EFNA5: variants seen among roughly 807,000 people sequenced by gnomAD.
The protein encoded by EFNA5 is ephrin A5.
In EFNA5, 5 loss-of-function variants were observed where a neutral mutation model predicts 22.9. The ratio of observed to expected loss-of-function variants is 0.22; its 90% CI spans 0.11 to 0.46. The LOEUF (loss-of-function observed/expected upper bound fraction) is 0.46. EFNA5 is among the 20% of genes least tolerant of loss of function. EFNA5 has a pLI of 0.99. For missense variants in EFNA5, 237 were observed against 293.3 expected, an observed-to-expected ratio of 0.81 and a Z score of 1.40; for synonymous variants, 113 against 112.2, an observed-to-expected ratio of 1.01 and a Z score of -0.04.
At chr5:107,411,802 G>C (rs541243716) in intron 2 of EFNA5, among the ~76,000 whole-genome samples, 1 of 152,280 alleles carries the variant, frequency 6.6e-6, no homozygotes, top group East Asian at 1.9e-4. Flanking sequence ...CCCAGGCTGG[G>C]CTCGAGCGAC....
At chr5:107,651,321 A>C (rs1750725133) in intron 1 of EFNA5, among the ~76,000 whole-genome samples, 1 of 152,220 alleles carries the variant, frequency 6.6e-6, no homozygotes, top group Admixed American at 6.5e-5. Flanking sequence ...GACTGTGCTC[A>C]GACACAGTAA....
At chr5:107,401,802 T>C (rs1016704643) in intron 2 of EFNA5, among the ~76,000 whole-genome samples, 2 of 152,178 alleles carry the variant, frequency 1.3e-5, no homozygotes, top group Admixed American at 1.3e-4. Context: ...GATGCTTTCA[T>C]TCGGGTGAAA....
intron 1 of EFNA5, among the ~76,000 whole-genome samples, chr5:107,515,362 T>TTTATTATTATTATTATTATTA (rs70996961): frequency 7.1e-6 from 1 of 141,320 alleles, no homozygotes; most frequent in African/African-American, 2.6e-5. Context: ...TATTTTTTAT[T>TTTATTATTATTATTATTATTA]TTATTATTAT....
chr5:107,462,939 A>G (rs1749869543), intron 1 of EFNA5, among the ~76,000 whole-genome samples: 1 of 152,184 alleles, frequency 6.6e-6, no homozygotes, highest in Non-Finnish European at 1.5e-5. Flanking sequence ...AAGAAAACAC[A>G]GCTTGCTAGT....
At chr5:107,541,516 G>T (rs1408375102) in intron 1 of EFNA5, among the ~76,000 whole-genome samples, 1 of 152,128 alleles carries the variant, frequency 6.6e-6, no homozygotes, top group Non-Finnish European at 1.5e-5. Context: ...AATTAGATTA[G>T]CACTGATATA....
At chr5:107,414,959 T>C (rs1748465066) in intron 2 of EFNA5, among the ~76,000 whole-genome samples, 1 of 152,210 alleles carries the variant, frequency 6.6e-6, no homozygotes, top group South Asian at 2.1e-4. Context: ...GTACTATTTA[T>C]AGAATAAGCT....
At chr5:107,585,808 G>C (rs1352011396) in intron 1 of EFNA5, among the ~76,000 whole-genome samples, 1 of 152,220 alleles carries the variant, frequency 6.6e-6, no homozygotes, top group Non-Finnish European at 1.5e-5. Context: ...TTTCAGAACT[G>C]TGGTTAGAAG....
chr5:107,619,349 T>C lies in EFNA5; in HGVS notation c.125+51140A>G, dbSNP rs532739565. Among the ~76,000 whole-genome samples the C allele has an allele frequency of 5.3e-5, 8 of 152,286 alleles. No individual in the cohort carries two copies. In the South Asian group the frequency reaches 1.7e-3, roughly 32 times the overall value. ...GCATACCTCCACTTGACCTTGCATGTCATCCATGCAAGCCTTGCCAAATAA... is the reference window on the plus strand; with the variant it reads ...GCATACCTCCACTTGACCTTGCATGCCATCCATGCAAGCCTTGCCAAATAA... On this transcript the variant is annotated intron_variant, in intron 1 of 4. Coordinates refer to ENST00000333274, the MANE Select transcript of EFNA5 (RefSeq NM_001962.3).
intron 1 of EFNA5, among the ~76,000 whole-genome samples, chr5:107,525,744 G>A (rs1747682960): frequency 6.6e-6 from 1 of 152,088 alleles, no homozygotes; most frequent in South Asian, 2.1e-4. Context: ...TGGTCTTGAT[G>A]TGGCAGGGAT....
intron 1 of EFNA5, among the ~76,000 whole-genome samples, chr5:107,540,789 T>C (rs573594225): frequency 4.1e-4 from 62 of 152,358 alleles, no homozygotes; most frequent in African/African-American, 1.4e-3. Flanking sequence ...CATTAGAATA[T>C]GAATAAACAT....
chr5:107,441,632 T>C (rs1749259410), intron 1 of EFNA5, among the ~76,000 whole-genome samples: 1 of 152,210 alleles, frequency 6.6e-6, no homozygotes, highest in Non-Finnish European at 1.5e-5. Context: ...TTAGTTTAAA[T>C]ATGAATTTCT....
chr5:107,518,314 C>T (rs187576872), intron 1 of EFNA5, among the ~76,000 whole-genome samples: 1 of 151,476 alleles, frequency 6.6e-6, no homozygotes, highest in African/African-American at 2.4e-5. Context: ...TTGCAGACAT[C>T]GGTCCCTTGT....
intron 1 of EFNA5, among the ~76,000 whole-genome samples, chr5:107,561,315 T>C (rs1452762938): frequency 2.6e-5 from 4 of 152,220 alleles, no homozygotes; most frequent in South Asian, 2.1e-4. Flanking sequence ...CTGGTACCAC[T>C]TGTGTTAAGA....
chr5:107,562,409 T>A (rs947032241), intron 1 of EFNA5, among the ~76,000 whole-genome samples: 2 of 152,112 alleles, frequency 1.3e-5, no homozygotes, highest in African/African-American at 4.8e-5. Context: ...AAGCTTATAT[T>A]TTTTCTAAAT....
chr5:107,407,831 G>A (rs771643326), intron 2 of EFNA5, among the ~76,000 whole-genome samples: 99 of 152,186 alleles, frequency 6.5e-4, no homozygotes, highest in African/African-American at 1.5e-3. Context: ...AAAGGTTATG[G>A]CTACTGCATC....
In EFNA5 at chr5:107,449,978, G is replaced by C. The variant is rs77912362; in HGVS notation, c.126-22469C>G. Among the ~76,000 whole-genome samples the C allele has an allele frequency of 5.3e-3, 801 of 152,304 alleles. 7 individuals carry two copies. The highest frequency in any genetic ancestry group is 0.018 in the African/African-American group (735 of 41,570). On this transcript the variant is annotated intron_variant, in intron 1 of 4. Transcript: ENST00000333274. ...TTTCCCTTTTGGTTCTGATGAAGGA[G>C]ATGCTGACATAAATGTTTTTGTTGT... is the stretch of plus-strand genomic sequence containing the variant.
At chr5:107,516,083 C>A (rs1747471270) in intron 1 of EFNA5, among the ~76,000 whole-genome samples, 1 of 152,114 alleles carries the variant, frequency 6.6e-6, no homozygotes, top group Non-Finnish European at 1.5e-5. Flanking sequence ...TGGCTCACTG[C>A]AGCCTCAAGT....
chr5:107,552,664 T>C (rs558143684), intron 1 of EFNA5, among the ~76,000 whole-genome samples: 89 of 152,360 alleles, frequency 5.8e-4, no homozygotes, highest in African/African-American at 1.6e-3. Flanking sequence ...TTTATATGAA[T>C]TGGCTTCATC....
chr5:107,663,818 A>G (rs1011968616), intron 1 of EFNA5, among the ~76,000 whole-genome samples: 10 of 152,192 alleles, frequency 6.6e-5, no homozygotes, highest in Admixed American at 1.3e-4. Flanking sequence ...GATTTTTAAA[A>G]ATCATTCAAA....
Sources: gnomAD v4.1 joint callset for allele counts (sites outside exome capture counted in the v4.1 genomes callset) on GRCh38, gnomAD v4.1.1 for gene constraint, MANE v1.5 for transcripts, NCBI Gene and HGNC (gene_info 2026-07-23, HGNC 2026-07-21) for gene names.